MFAP3L: variants seen among roughly 807,000 people sequenced by gnomAD.
MFAP3L encodes microfibrillar-associated protein 3-like.
MFAP3L carries 5 observed loss-of-function variants against 20.0 expected under a neutral mutation model. The ratio of observed to expected loss-of-function variants is 0.25; its 90% CI spans 0.13 to 0.53. MFAP3L has a LOEUF of 0.53. MFAP3L is among the 20% of genes least tolerant of loss of function. The pLI is 0.96. For synonymous variants in MFAP3L, 219 were observed against 213.0 expected (o/e 1.03, Z -0.25); for missense variants, 409 against 527.5 (o/e 0.78, Z 2.20).
At chr4:170,018,355 G>A (rs1241676985) in intron 1 of MFAP3L, among the ~76,000 whole-genome samples, 2 of 152,216 alleles carry the variant, frequency 1.3e-5, no homozygotes, top group African/African-American at 2.4e-5. Flanking sequence ...AAGGCTGTCT[G>A]GAGAGCTCTG....
At chr4:170,018,782 A>G (rs999451613) in intron 1 of MFAP3L, among the ~76,000 whole-genome samples, 1 of 152,030 alleles carries the variant, frequency 6.6e-6, no homozygotes, top group Non-Finnish European at 1.5e-5. Flanking sequence ...AGAAAAACAA[A>G]ACGACAACAA....
At chr4:170,007,937 C>T (rs760462282) in intron 1 of MFAP3L, among the ~76,000 whole-genome samples, 1 of 152,134 alleles carries the variant, frequency 6.6e-6, no homozygotes, top group African/African-American at 2.4e-5. Context: ...AAAGAAAATG[C>T]CACAAATGGA....
At position 169,992,754 on chromosome 4, in the gene MFAP3L, A is replaced by C. The variant is rs1044269105; in HGVS notation, c.299-445T>G. ...TAACTTTAAAAGCAACTGGTTCTCT[A>C]ACCTGCCAGTGAGCATGCCTCCATT... On this transcript the variant is annotated intron_variant, in intron 2 of 2. Transcript: ENST00000361618. This position sits in a 1 kb window ranked among gnomAD's most constrained non-coding sequence, Gnocchi z 4.3. 6.6e-6 allele frequency among the ~76,000 whole-genome samples: 1 copy of C among 152,384 alleles called. No individual in the cohort carries two copies. Among genetic ancestry groups the C allele is most frequent in the African/African-American group, 2.4e-5 (1 of 41,600 alleles).
intron 1 of MFAP3L, among the ~76,000 whole-genome samples, chr4:170,020,313 TATCA>T (rs911776687): frequency 3.9e-5 from 6 of 152,074 alleles, no homozygotes; most frequent in African/African-American, 1.4e-4. Flanking sequence ...CTGAGAAACA[TATCA>T]ATCACTGAGT....
intron 1 of MFAP3L, among the ~76,000 whole-genome samples, chr4:170,018,455 T>C (rs754452760): frequency 1.3e-5 from 2 of 152,114 alleles, no homozygotes; most frequent in African/African-American, 2.4e-5. Flanking sequence ...TTTGGAACAT[T>C]TGATCCACTA....
At chr4:170,016,687 G>A (rs538416161) in intron 1 of MFAP3L, among the ~76,000 whole-genome samples, 14 of 152,282 alleles carry the variant, frequency 9.2e-5, no homozygotes, top group African/African-American at 3.1e-4. Context: ...GAATATCTGC[G>A]GAGTGAATTT....
At chr4:169,999,443 CT>C (rs1365152198) in intron 2 of MFAP3L, among the ~76,000 whole-genome samples, 1 of 152,136 alleles carries the variant, frequency 6.6e-6, no homozygotes, top group East Asian at 1.9e-4. Flanking sequence ...CTAATTTGGT[CT>C]GGTAATCTTA....
intron 1 of MFAP3L, among the ~76,000 whole-genome samples, chr4:170,020,741 A>G (rs1249187435): frequency 6.6e-6 from 1 of 151,288 alleles, no homozygotes; most frequent in Non-Finnish European, 1.5e-5. Context: ...CACCACCTCC[A>G]GCCACGTTCC....
At chr4:170,012,096 C>T (rs1263417371) in intron 1 of MFAP3L, among the ~76,000 whole-genome samples, 3 of 152,116 alleles carry the variant, frequency 2.0e-5, no homozygotes, top group Non-Finnish European at 4.4e-5. Flanking sequence ...GGAGAAGTGA[C>T]AGGGCTAGTT....
chr4:170,005,592 C>T lies in MFAP3L; in HGVS notation c.286G>A (p.Glu96Lys), dbSNP rs763467684. The T allele has an allele frequency of 1.2e-6, 2 of 1,613,874 alleles. No individual in the cohort carries two copies. Among genetic ancestry groups the T allele is most frequent in the African/African-American group, 1.3e-5 (1 of 74,928 alleles). The stretch of plus-strand genomic sequence containing the variant: ...CTTTAAAGCCTACCTCCTCCTCTCT[C>T]CTTCTCATCCTCTTCTTCTTTCAGC... ...KLLKEEEDEKERGGGKWQMHD... is the reference protein window; with the variant it reads ...KLLKEEEDEKKRGGGKWQMHD... Residue 96 changes from glutamate to lysine, a missense_variant, in exon 2 of 3, where the codon GAG (glutamate) becomes AAG (lysine). Glu to Lys is a moderately conservative substitution (Grantham distance 56, BLOSUM62 1). Transcript: ENST00000361618.
At chr4:170,002,038 G>A (rs542253188) in intron 2 of MFAP3L, 192 of 985,298 alleles carry the variant, frequency 1.9e-4, no homozygotes, top group Non-Finnish European at 2.2e-4. Flanking sequence ...TGTGCTCCTT[G>A]AGTGACTCAC....
chr4:170,012,660 G>A (rs1739453736), intron 1 of MFAP3L, among the ~76,000 whole-genome samples: 1 of 152,230 alleles, frequency 6.6e-6, no homozygotes, highest in Admixed American at 6.5e-5. Flanking sequence ...CTATACAGCA[G>A]CACACCATGA....
rs1196665861 is a variant in MFAP3L, at chr4:169,989,757, T to C, written c.*1621A>G. 1 of 152,164 alleles carries C rather than the reference T, an allele frequency of 6.6e-6. No homozygotes were observed. The highest frequency in any genetic ancestry group is 2.4e-5 in the African/African-American group (1 of 41,446). 9.4% of individuals were successfully genotyped at this position (152,164 alleles called of 1,614,324 possible). A position where few individuals can be genotyped will look rare whatever the true frequency, so the allele number is the denominator to read the frequency against. On this transcript the variant is annotated 3_prime_UTR_variant, in exon 3 of 3. Coordinates refer to ENST00000361618, the MANE Select transcript of MFAP3L (RefSeq NM_021647.8). ...CATTACCTGATGTGGCCACGGCCCC[T>C]ATGAATTTATTAAGATTACTGTCTC...
intron 1 of MFAP3L, among the ~76,000 whole-genome samples, chr4:170,009,306 C>G (rs113728209): frequency 0.045 from 6,830 of 151,288 alleles, 164 homozygotes; most frequent in Middle Eastern, 0.068. Context: ...TCACTTGAAC[C>G]CAGGAGGCGG....
At position 170,026,148 on chromosome 4, in the gene MFAP3L, C is replaced by T. The variant is rs956251672; in HGVS notation, c.-134+86G>A. The T allele has an allele frequency of 3.5e-5, 29 of 817,492 alleles. No individual in the cohort carries two copies. In the Admixed American group the frequency reaches 3.7e-4, roughly 11 times the overall value. 50.6% of individuals were successfully genotyped at this position (817,492 alleles called of 1,614,324 possible). A position where few individuals can be genotyped will look rare whatever the true frequency, so the allele number is the denominator to read the frequency against. On this transcript the variant is annotated intron_variant, in intron 1 of 2. Coordinates refer to ENST00000361618, the MANE Select transcript of MFAP3L (RefSeq NM_021647.8). ...CCAAACACCCGAAAGTTCGGCGGCC[C>T]CGGCGCCGACTCGGCCGCCGACCCG...
At chr4:170,014,887 C>T (rs1739602978) in intron 1 of MFAP3L, among the ~76,000 whole-genome samples, 1 of 152,126 alleles carries the variant, frequency 6.6e-6, no homozygotes, top group African/African-American at 2.4e-5. Flanking sequence ...TGGGACAGCT[C>T]ATAATAAAGC....
chr4:170,002,282 C>G (rs1290834675), intron 2 of MFAP3L: 1 of 983,230 alleles, frequency 1.0e-6, no homozygotes, highest in Non-Finnish European at 1.2e-6. Flanking sequence ...TGGCCACACT[C>G]TGGTTGTGTC....
intron 2 of MFAP3L, among the ~76,000 whole-genome samples, chr4:169,999,771 C>A (rs374494369): frequency 6.6e-6 from 1 of 152,158 alleles, no homozygotes; most frequent in East Asian, 1.9e-4. Context: ...AGAAAATTAA[C>A]CTTAGTAAAT....
Position 169,986,960 on chromosome 4 carries a change from T to A in MFAP3L, c.*4418A>T, listed in dbSNP as rs933559273. The A allele has an allele frequency of 6.6e-6, 1 of 152,198 alleles. No individual in the cohort carries two copies. Among genetic ancestry groups the A allele is most frequent in the African/African-American group, 2.4e-5 (1 of 41,464 alleles). The allele number at this position is 152,198 out of a possible 1,614,324, so 9.4% of individuals were successfully genotyped here. A position where few individuals can be genotyped will look rare whatever the true frequency, so the allele number is the denominator to read the frequency against. On this transcript the variant is annotated 3_prime_UTR_variant, in exon 3 of 3. Coordinates refer to ENST00000361618, the MANE Select transcript of MFAP3L (RefSeq NM_021647.8). ...ATTTATGCCAGAATATTCTTAGAAC[T>A]ATTTACTTTCTATTTTTACATTCTC...
Sources: allele counts gnomAD v4.1 joint callset (sites outside exome capture counted in the v4.1 genomes callset), GRCh38; gene constraint gnomAD v4.1.1; non-coding constraint Gnocchi (gnomAD v3.1); transcripts MANE v1.5; gene names NCBI Gene and HGNC (gene_info 2026-07-23, HGNC 2026-07-21).